The following LRBA variants were observed in gnomAD, a reference collection of about 807,000 sequenced individuals.
The protein encoded by LRBA is lipopolysaccharide-responsive and beige-like anchor protein.
A neutral mutation model predicts 330.0 loss-of-function variants in LRBA; 176 were observed. The observed-to-expected ratio is 0.53, with a 90% CI of 0.47 to 0.60. The LOEUF (loss-of-function observed/expected upper bound fraction) is 0.60, where lower values mean the gene tolerates loss of function less well. Ranked by LOEUF, LRBA falls within the 20% of genes least tolerant of loss-of-function variation. LRBA has a pLI of 0.00. For missense variants in LRBA, 3,259 were observed against 3,444.8 expected (o/e 0.95, Z 1.35); for synonymous variants, 1,230 against 1,193.0 (o/e 1.03, Z -0.64).
chr4:150,848,751 TC>T, intron 26 of LRBA, 66 bp downstream of exon 26: 1 of 1,212,206 alleles, frequency 8.2e-7, no homozygotes, highest in South Asian at 1.5e-5. Context: ...CGGATAATTT[TC>T]AATGTCATCT....
In LRBA at chr4:150,487,743, C is replaced by A; in HGVS notation, c.6540G>T (p.Leu2180Phe). The A allele has an allele frequency of 6.3e-7, 1 of 1,593,296 alleles. No individual in the cohort carries two copies. Among genetic ancestry groups the A allele is most frequent in the Non-Finnish European group, 8.6e-7 (1 of 1,165,374 alleles). ...PRVGVGTSFG[L>F]PQTRRISLAS... The stretch of plus-strand genomic sequence containing the variant: ...ATATAAAACAGTACCTGGTTTGAGG[C>A]AATCCAAAACTTGTTCCAACGCCAA... The change falls in exon 42 of 57, where the codon TTG (leucine) becomes TTT (phenylalanine). Residue 2180 changes from leucine to phenylalanine, a missense_variant. Physicochemically the swap from Leu to Phe is conservative, Grantham distance 22. Transcript: ENST00000651943.
At chr4:150,729,346 G>A (rs113396590) in intron 36 of LRBA, among the ~76,000 whole-genome samples, 60 of 152,174 alleles carry the variant, frequency 3.9e-4, no homozygotes, top group African/African-American at 1.4e-3. Flanking sequence ...ATATCTATAT[G>A]CCAACAGTGA....
At chr4:150,317,834 A>G (rs929505413) in intron 50 of LRBA, among the ~76,000 whole-genome samples, 2 of 152,128 alleles carry the variant, frequency 1.3e-5, no homozygotes, top group African/African-American at 4.8e-5. Context: ...CAATTTCCTG[A>G]TCTATAAAAT....
chr4:150,411,294 A>G (rs1188094336), intron 47 of LRBA, among the ~76,000 whole-genome samples: 1 of 152,192 alleles, frequency 6.6e-6, no homozygotes, highest in African/African-American at 2.4e-5. Context: ...ACTGAGGATA[A>G]GAGTCGTTGG....
intron 31 of LRBA, among the ~76,000 whole-genome samples, chr4:150,809,698 A>G (rs972044669): frequency 1.3e-5 from 2 of 152,144 alleles, no homozygotes; most frequent in Non-Finnish European, 2.9e-5. Context: ...TACTAAAAAT[A>G]CAACAAAGTG....
At chr4:150,607,807 C>T (rs1035427155) in intron 37 of LRBA, among the ~76,000 whole-genome samples, 2 of 151,912 alleles carry the variant, frequency 1.3e-5, no homozygotes, top group Non-Finnish European at 2.9e-5. Flanking sequence ...GAGGCTGAGG[C>T]GGGCGGATCA....
intron 44 of LRBA, among the ~76,000 whole-genome samples, chr4:150,458,613 C>A (rs1388016936): frequency 2.0e-5 from 3 of 151,842 alleles, no homozygotes; most frequent in Non-Finnish European, 4.4e-5. Flanking sequence ...TCTTTCCAGG[C>A]TGTTTTCTCC....
At chr4:150,643,423 G>A (rs1290579395) in intron 37 of LRBA, among the ~76,000 whole-genome samples, 1 of 151,964 alleles carries the variant, frequency 6.6e-6, no homozygotes, top group Non-Finnish European at 1.5e-5. Context: ...ATAAGAAAAG[G>A]CTGACATAGG....
chr4:150,914,068 G>A (rs548382781), intron 9 of LRBA, 127 bp downstream of exon 9: 5 of 648,256 alleles, frequency 7.7e-6, no homozygotes, highest in Non-Finnish European at 1.3e-5. Context: ...CCCTGCTGTG[G>A]TATCAAATAG....
At chr4:150,326,349 G>C (rs902463179) in intron 48 of LRBA, among the ~76,000 whole-genome samples, 1 of 152,158 alleles carries the variant, frequency 6.6e-6, no homozygotes, top group Non-Finnish European at 1.5e-5. Flanking sequence ...CTGTGAAAGT[G>C]GCTTGATGCT....
intron 47 of LRBA, among the ~76,000 whole-genome samples, chr4:150,395,129 T>C (rs1230961449): frequency 1.3e-5 from 2 of 152,178 alleles, no homozygotes; most frequent in Non-Finnish European, 2.9e-5. Context: ...ATGCTAATAT[T>C]ATCTATTACT....
chr4:150,592,844 G>A (rs748697613), intron 38 of LRBA, among the ~76,000 whole-genome samples: 1 of 151,854 alleles, frequency 6.6e-6, no homozygotes, highest in Non-Finnish European at 1.5e-5. Flanking sequence ...TGTTGCCCAG[G>A]CTGATCTCTA....
intron 56 of LRBA, among the ~76,000 whole-genome samples, chr4:150,274,260 T>C (rs1746484067): frequency 6.6e-6 from 1 of 152,108 alleles, no homozygotes; most frequent in Non-Finnish European, 1.5e-5. Context: ...TTGAAACCAA[T>C]GAGAACAAAG....
chr4:150,491,065 G>T, intron 40 of LRBA, 30 bp from the exon 41 acceptor site: 1 of 1,070,856 alleles, frequency 9.3e-7, no homozygotes, highest in Non-Finnish European at 1.4e-6. Context: ...TCCCAGGTAA[G>T]TAACAATACT....
At chr4:150,348,310 C>A (rs1044932567) in intron 48 of LRBA, among the ~76,000 whole-genome samples, 2 of 152,136 alleles carry the variant, frequency 1.3e-5, no homozygotes, top group Admixed American at 1.3e-4. Context: ...CATTTTTAAT[C>A]ATGAAAACAT....
At chr4:150,864,665 G>A (rs1296384909) in intron 22 of LRBA, among the ~76,000 whole-genome samples, 6 of 47,194 alleles carry the variant, frequency 1.3e-4, no homozygotes, top group African/African-American at 7.7e-4. Flanking sequence ...TTTTTTTTTT[G>A]AGACAGAGTC....
chr4:150,638,635 A>T (rs563505260), intron 37 of LRBA, among the ~76,000 whole-genome samples: 113 of 151,008 alleles, frequency 7.5e-4, no homozygotes, highest in Non-Finnish European at 1.3e-3. Context: ...GAGAAATGCA[A>T]ATCAAAACCA....
intron 48 of LRBA, among the ~76,000 whole-genome samples, chr4:150,329,852 T>C (rs1733758164): frequency 6.6e-6 from 1 of 152,200 alleles, no homozygotes; most frequent in African/African-American, 2.4e-5. Flanking sequence ...CTGTTTCACA[T>C]ATAAAGTCAC....
intron 38 of LRBA, chr4:150,597,167 T>A: frequency 1.1e-6 from 1 of 884,258 alleles, no homozygotes; most frequent in Non-Finnish European, 1.8e-6. Flanking sequence ...CTATCGAGAG[T>A]AATCAGAGTG....
Sources: gnomAD v4.1 joint callset for allele counts (sites outside exome capture counted in the v4.1 genomes callset) on GRCh38, gnomAD v4.1.1 for gene constraint, MANE v1.5 for transcripts, NCBI Gene and HGNC (gene_info 2026-07-23, HGNC 2026-07-21) for gene names.